KLHL1: variants seen among roughly 807,000 people sequenced by gnomAD.
KLHL1 encodes the protein kelch-like protein 1.
KLHL1 carries 47 observed loss-of-function variants against 77.7 expected under a neutral mutation model. That is an observed-to-expected ratio of 0.60 (90% CI 0.48 to 0.77). The LOEUF (loss-of-function observed/expected upper bound fraction) is 0.77, where lower values mean the gene tolerates loss of function less well. Among genes scored for constraint, KLHL1 ranks in the 30% least tolerant of loss-of-function variants. KLHL1 has a pLI of 0.00. For synonymous variants in KLHL1, 360 were observed against 325.2 expected (o/e 1.11, Z -1.15); for missense variants, 925 against 910.8 (o/e 1.02, Z -0.20).
Position 69,933,304 on chromosome 13 carries a change from T to G in KLHL1, c.1014+6736A>C, listed in dbSNP as rs146080637. Among the ~76,000 whole-genome samples the G allele has an allele frequency of 7.6e-3, 1,155 of 152,204 alleles. 7 individuals are homozygous for G. The highest frequency in any genetic ancestry group is 0.013 in the Non-Finnish European group (893 of 67,990). On this transcript the variant is annotated intron_variant, in intron 4 of 10. Coordinates refer to ENST00000377844, the MANE Select transcript of KLHL1 (RefSeq NM_020866.3). The stretch of plus-strand genomic sequence containing the variant: ...AATCATTTAATACTAATGTATCATG[T>G]AATAGTCTTGAGAAAAATGTAGGTG...
chr13:69,712,380 T>G (rs1441241468), intron 9 of KLHL1, among the ~76,000 whole-genome samples: 4 of 151,974 alleles, frequency 2.6e-5, no homozygotes, highest in Admixed American at 6.6e-5. Flanking sequence ...CAATAGAGGG[T>G]AAGACTACAA....
chr13:69,798,018 G>C (rs184740618), intron 6 of KLHL1, among the ~76,000 whole-genome samples: 284 of 152,150 alleles, frequency 1.9e-3, no homozygotes, highest in African/African-American at 6.4e-3. Context: ...CTAAATTACT[G>C]GTGAGATTTG....
At chr13:69,883,817 G>A (rs188455472) in intron 4 of KLHL1, among the ~76,000 whole-genome samples, 2 of 152,282 alleles carry the variant, frequency 1.3e-5, no homozygotes, top group Non-Finnish European at 2.9e-5. Context: ...AGTCTTCTGT[G>A]GATGATACAT....
chr13:69,786,112 A>C (rs1471533987), intron 7 of KLHL1, among the ~76,000 whole-genome samples: 2 of 152,190 alleles, frequency 1.3e-5, no homozygotes, highest in Non-Finnish European at 2.9e-5. Context: ...TTCTGAAACT[A>C]TTCCAATCAA....
intron 2 of KLHL1, among the ~76,000 whole-genome samples, chr13:69,968,715 G>C (rs1196715444): frequency 1.3e-5 from 2 of 151,994 alleles, no homozygotes; most frequent in Admixed American, 1.3e-4. Flanking sequence ...AATCAGCCTG[G>C]AATACCTTTT....
At chr13:69,940,817 C>T (rs892216967) in intron 3 of KLHL1, among the ~76,000 whole-genome samples, 4 of 130,544 alleles carry the variant, frequency 3.1e-5, no homozygotes, top group African/African-American at 5.6e-5. Context: ...AAAAAAAAGG[C>T]TCTTTAGTGC....
chr13:69,730,550 A>C (rs759019873), intron 8 of KLHL1, among the ~76,000 whole-genome samples: 1 of 152,044 alleles, frequency 6.6e-6, no homozygotes, highest in African/African-American at 2.4e-5. Context: ...AGAATTATAA[A>C]AATTTACATC....
intron 4 of KLHL1, among the ~76,000 whole-genome samples, chr13:69,923,498 C>T (rs770031599): frequency 2.6e-5 from 4 of 152,276 alleles, no homozygotes; most frequent in South Asian, 4.1e-4. Flanking sequence ...CAAAAAATTA[C>T]ATTCTTAAGA....
chr13:70,086,050 C>T (rs567217723), intron 1 of KLHL1, among the ~76,000 whole-genome samples: 2 of 152,148 alleles, frequency 1.3e-5, no homozygotes, highest in Non-Finnish European at 2.9e-5. Context: ...CAAGTAAGTA[C>T]AGGTAGGATG....
At chr13:69,933,897 T>C (rs1401078877) in intron 4 of KLHL1, among the ~76,000 whole-genome samples, 2 of 152,048 alleles carry the variant, frequency 1.3e-5, no homozygotes, top group Non-Finnish European at 2.9e-5. Context: ...TCATATTTTG[T>C]GTCTCGGTAT....
chr13:70,060,477 C>T lies in KLHL1; in HGVS notation c.497+46726G>A, dbSNP rs549917173. 1.5e-3 allele frequency among the ~76,000 whole-genome samples: 224 copies of T among 152,024 alleles called. 1 individual carries two copies. Among genetic ancestry groups the T allele is most frequent in the African/African-American group, 5.0e-3 (206 of 41,474 alleles). On this transcript the variant is annotated intron_variant, in intron 1 of 10. Coordinates refer to ENST00000377844, the MANE Select transcript of KLHL1 (RefSeq NM_020866.3). ...CACACCTGCCCTCCCATGTTTATTG[C>T]TGCACTATTTACAATAGCCAAAATT...
chr13:69,875,837 G>A (rs900089633), intron 5 of KLHL1, among the ~76,000 whole-genome samples: 7 of 151,826 alleles, frequency 4.6e-5, no homozygotes, highest in African/African-American at 1.5e-4. Flanking sequence ...TTCTTTTGGA[G>A]AAAAGTAATC....
At chr13:69,924,653 T>G (rs1321795531) in intron 4 of KLHL1, among the ~76,000 whole-genome samples, 1 of 152,242 alleles carries the variant, frequency 6.6e-6, no homozygotes, top group African/African-American at 2.4e-5. Flanking sequence ...CACCAAATGG[T>G]GGGGCTGAAA....
At chr13:69,879,545 A>G (rs1880904339) in intron 5 of KLHL1, among the ~76,000 whole-genome samples, 2 of 152,308 alleles carry the variant, frequency 1.3e-5, no homozygotes, top group South Asian at 4.1e-4. Context: ...AAAAGCATGG[A>G]CAAACCTTAC....
At chr13:69,979,286 C>T (rs533398217) in intron 1 of KLHL1, among the ~76,000 whole-genome samples, 1 of 151,946 alleles carries the variant, frequency 6.6e-6, no homozygotes, top group East Asian at 1.9e-4. Context: ...GGTCATTAAT[C>T]TTTCAGATAA....
chr13:69,814,362 C>T (rs1426611057), intron 6 of KLHL1, among the ~76,000 whole-genome samples: 1 of 151,978 alleles, frequency 6.6e-6, no homozygotes, highest in Non-Finnish European at 1.5e-5. Flanking sequence ...TTACTATGTC[C>T]TGAAAAGCAA....
At chr13:70,010,423 T>C (rs1437120190) in intron 1 of KLHL1, among the ~76,000 whole-genome samples, 1 of 152,114 alleles carries the variant, frequency 6.6e-6, no homozygotes, top group Admixed American at 6.6e-5. Context: ...TGAGAGAGTG[T>C]GGTTGTTCTA....
At chr13:69,853,777 G>A (rs934951731) in intron 5 of KLHL1, among the ~76,000 whole-genome samples, 2 of 151,912 alleles carry the variant, frequency 1.3e-5, no homozygotes, top group African/African-American at 2.4e-5. Context: ...AACTGGATAA[G>A]GTATGTTGTT....
intron 6 of KLHL1, among the ~76,000 whole-genome samples, chr13:69,800,452 G>A (rs952912790): frequency 5.3e-5 from 8 of 151,948 alleles, no homozygotes; most frequent in Non-Finnish European, 1.2e-4. Flanking sequence ...GTTATATAAA[G>A]TTAAGCAATA....
Sources: allele counts gnomAD v4.1 joint callset (sites outside exome capture counted in the v4.1 genomes callset), GRCh38; gene constraint gnomAD v4.1.1; transcripts MANE v1.5; gene names NCBI Gene and HGNC (gene_info 2026-07-23, HGNC 2026-07-21).